GRB14: variants seen among roughly 807,000 people sequenced by gnomAD.
GRB14 encodes growth factor receptor bound protein 14, also known as growth factor receptor-bound protein 14.
Under a neutral mutation model 69.1 loss-of-function variants are expected in GRB14, and 38 were observed. The observed-to-expected ratio is 0.55, with a 90% CI of 0.42 to 0.72. GRB14 has a LOEUF of 0.72. Among genes scored for constraint, GRB14 ranks in the 30% least tolerant of loss-of-function variants. The pLI is 0.00. For missense variants in GRB14, 666 were observed against 666.1 expected, an observed-to-expected ratio of 1.00 and a Z score of 0.00; for synonymous variants, 247 against 241.3, an observed-to-expected ratio of 1.02 and a Z score of -0.22.
intron 2 of GRB14, among the ~76,000 whole-genome samples, chr2:164,573,139 T>G (rs1050880923): frequency 2.0e-5 from 3 of 152,230 alleles, no homozygotes; most frequent in Non-Finnish European, 2.9e-5. Flanking sequence ...ATGCATTGTT[T>G]TGATAACTTA....
intron 3 of GRB14, among the ~76,000 whole-genome samples, chr2:164,534,269 A>G (rs914465342): frequency 4.6e-5 from 7 of 152,154 alleles, no homozygotes; most frequent in African/African-American, 1.7e-4. Flanking sequence ...ATTCTTTTTA[A>G]ATTTATATAT....
At chr2:164,508,022 A>T (rs1427218916) in intron 8 of GRB14, among the ~76,000 whole-genome samples, 1 of 152,218 alleles carries the variant, frequency 6.6e-6, no homozygotes, top group Non-Finnish European at 1.5e-5. Context: ...ATGCTTATTA[A>T]ACTAGAAAGC....
At chr2:164,508,398 C>T (rs1364809406) in intron 8 of GRB14, 57 bp downstream of exon 8, 25 of 1,370,526 alleles carry the variant, frequency 1.8e-5, no homozygotes, top group Non-Finnish European at 2.3e-5. Context: ...CAGATATTTT[C>T]TAACTTTTAT....
intron 2 of GRB14, among the ~76,000 whole-genome samples, chr2:164,574,475 A>G (rs1689200778): frequency 6.6e-6 from 1 of 151,990 alleles, no homozygotes. Context: ...TTTCGACCTG[A>G]TCCGCCCACC....
chr2:164,502,498 C>T (rs139240481), intron 8 of GRB14, among the ~76,000 whole-genome samples, 163 bp from the exon 9 acceptor site: 34 of 152,122 alleles, frequency 2.2e-4, no homozygotes, highest in African/African-American at 7.9e-4. Context: ...TGCCCTGCAA[C>T]AATACATTTA....
intron 2 of GRB14, among the ~76,000 whole-genome samples, chr2:164,551,661 C>T (rs1688541706): frequency 2.0e-5 from 3 of 152,178 alleles, no homozygotes; most frequent in Admixed American, 1.3e-4. Context: ...CGCTCACAAA[C>T]AACATGCTTT....
chr2:164,570,211 A>C (rs1689093374), intron 2 of GRB14, among the ~76,000 whole-genome samples: 1 of 131,724 alleles, frequency 7.6e-6, no homozygotes, highest in Non-Finnish European at 1.6e-5. Flanking sequence ...CGGGAGGTGG[A>C]GGTTGCAGTG....
intron 2 of GRB14, among the ~76,000 whole-genome samples, chr2:164,617,861 T>C (rs1011500263): frequency 4.0e-5 from 6 of 150,806 alleles, no homozygotes; most frequent in Non-Finnish European, 8.9e-5. Context: ...CTTAGTAATT[T>C]GGGAACTACC....
rs1237504246 is a variant in GRB14 at position 164,617,964 on chromosome 2, G to C, written c.324+1723C>G. ...ACAAGCCAGAATCTTTTTTTTGGGG[G>C]GGGGGGGGTAGTGTCAGCGGGGGAC... is the stretch of plus-strand genomic sequence containing the variant. On this transcript the variant is annotated intron_variant, in intron 2 of 13. Coordinates refer to ENST00000263915, the MANE Select transcript of GRB14 (RefSeq NM_004490.3). Among the ~76,000 whole-genome samples, 8 of 138,024 alleles carry C rather than the reference G, an allele frequency of 5.8e-5. 1 individual carries two copies. Among genetic ancestry groups the C allele is most frequent in the Non-Finnish European group, 3.2e-5 (2 of 61,960 alleles). 90.5% of individuals were successfully genotyped at this position (138,024 alleles called of 152,430 possible).
At chr2:164,519,275 T>C (rs909642177) in intron 6 of GRB14, among the ~76,000 whole-genome samples, 8 of 152,142 alleles carry the variant, frequency 5.3e-5, no homozygotes, top group African/African-American at 1.9e-4. Context: ...AAAAATCACA[T>C]GTTCATCTCA....
At chr2:164,604,939 A>G (rs1269874992) in intron 2 of GRB14, among the ~76,000 whole-genome samples, 2 of 152,228 alleles carry the variant, frequency 1.3e-5, no homozygotes, top group East Asian at 3.8e-4. Flanking sequence ...AACTAGACAA[A>G]GGAGATGGTG....
intron 6 of GRB14, among the ~76,000 whole-genome samples, chr2:164,512,398 C>T (rs945175415): frequency 1.3e-5 from 2 of 152,132 alleles, no homozygotes; most frequent in Non-Finnish European, 2.9e-5. Flanking sequence ...AACTCCTGAC[C>T]TCAGGTAATC....
chr2:164,508,721 A>G (rs1432890433), intron 7 of GRB14, 21 bp downstream of exon 7: 1 of 1,543,388 alleles, frequency 6.5e-7, no homozygotes, highest in South Asian at 1.2e-5. Context: ...TTATTCATCT[A>G]TCAAAATATT....
chr2:164,579,501 G>GCACACACA (rs61305070), intron 2 of GRB14, among the ~76,000 whole-genome samples: 17 of 145,106 alleles, frequency 1.2e-4, no homozygotes, highest in East Asian at 8.5e-4. Context: ...GGGCACACTT[G>GCACACACA]CACACACACA....
rs566406167 is a variant in GRB14 at position 164,547,826 on chromosome 2, T to C, written c.325-10A>G. On this transcript the variant is annotated splice_polypyrimidine_tract_variant and intron_variant, in intron 2 of 13. Coordinates refer to ENST00000263915, the MANE Select transcript of GRB14 (RefSeq NM_004490.3). ...TGTATACTTTAATCACCTGTGTAGGTAGAAACAAGAAAAAGACCTAAAATA... is the reference window on the plus strand; with the variant it reads ...TGTATACTTTAATCACCTGTGTAGGCAGAAACAAGAAAAAGACCTAAAATA... 32 of 1,580,548 alleles carry C rather than the reference T, an allele frequency of 2.0e-5. No individual in the cohort carries two copies. The highest frequency in any genetic ancestry group is 2.4e-5 in the Non-Finnish European group (28 of 1,160,980).
At chr2:164,548,542 A>G (rs1315146116) in intron 2 of GRB14, among the ~76,000 whole-genome samples, 1 of 152,194 alleles carries the variant, frequency 6.6e-6, no homozygotes, top group East Asian at 1.9e-4. Context: ...TCTCTGTGAC[A>G]TGCTGACTTA....
intron 2 of GRB14, among the ~76,000 whole-genome samples, chr2:164,572,707 ATAT>A (rs1689151525): frequency 6.6e-6 from 1 of 152,134 alleles, no homozygotes; most frequent in South Asian, 2.1e-4. Flanking sequence ...GATGCATTCT[ATAT>A]TATTTAGAAT....
intron 2 of GRB14, among the ~76,000 whole-genome samples, chr2:164,569,910 A>G (rs944611234): frequency 6.6e-6 from 1 of 152,216 alleles, no homozygotes; most frequent in Non-Finnish European, 1.5e-5. Context: ...GGGGGTTAGC[A>G]TTTGTGAAGT....
At chr2:164,506,161 G>A (rs1687182922) in intron 8 of GRB14, among the ~76,000 whole-genome samples, 1 of 152,142 alleles carries the variant, frequency 6.6e-6, no homozygotes, top group Non-Finnish European at 1.5e-5. Context: ...CTGTAAAACT[G>A]GAGGGCTGGA....
Sources: gnomAD v4.1 joint callset for allele counts (sites outside exome capture counted in the v4.1 genomes callset) on GRCh38, gnomAD v4.1.1 for gene constraint, MANE v1.5 for transcripts, NCBI Gene and HGNC (gene_info 2026-07-23, HGNC 2026-07-21) for gene names.